SPATA13: variants seen among roughly 807,000 people sequenced by gnomAD.
SPATA13 encodes spermatogenesis associated 13.
A neutral mutation model predicts 104.0 loss-of-function variants in SPATA13; 50 were observed. The ratio of observed to expected loss-of-function variants is 0.48; its 90% CI spans 0.38 to 0.61. The LOEUF is 0.61. SPATA13 is among the 20% of genes least tolerant of loss of function. The probability of loss-of-function intolerance (pLI) is 0.00; values close to 1 mark genes in which losing one functional copy is unlikely to be tolerated. For synonymous variants in SPATA13, 606 were observed against 667.5 expected (o/e 0.91, Z 1.42); for missense variants, 1,524 against 1,690.6 (o/e 0.90, Z 1.73).
intron 3 of SPATA13, among the ~76,000 whole-genome samples, chr13:24,020,168 A>T (rs1429158216): frequency 6.6e-6 from 1 of 152,130 alleles, no homozygotes; most frequent in Non-Finnish European, 1.5e-5. Flanking sequence ...TGATGACTTG[A>T]GGAATTTGGA....
chr13:24,125,386 A>G (rs1293505214), intron 3 of SPATA13, among the ~76,000 whole-genome samples: 2 of 152,106 alleles, frequency 1.3e-5, no homozygotes, highest in Admixed American at 1.3e-4. Context: ...CAAGCCTCAG[A>G]GTGTAGGCAA....
chr13:24,264,372 C>T (rs1874197775), intron 4 of SPATA13, among the ~76,000 whole-genome samples: 1 of 152,146 alleles, frequency 6.6e-6, no homozygotes, highest in Non-Finnish European at 1.5e-5. Context: ...GCACTCTGTA[C>T]GTATTCCTGG....
intron 9 of SPATA13, among the ~76,000 whole-genome samples, chr13:24,294,354 T>C (rs1876606383): frequency 6.6e-6 from 1 of 152,228 alleles, no homozygotes. Context: ...ATTTTTAAAG[T>C]ACTTTATGTA....
intron 4 of SPATA13, among the ~76,000 whole-genome samples, chr13:24,261,246 G>T (rs1874048765): frequency 6.6e-6 from 1 of 152,232 alleles, no homozygotes; most frequent in African/African-American, 2.4e-5. Context: ...GAGAGGTCGA[G>T]GTAATTGTCT....
Position 24,248,634 on chromosome 13 carries a change from C to T in SPATA13, c.1654-843C>T, listed in dbSNP as rs373172526. Among the ~76,000 whole-genome samples, 246 of 152,282 alleles carry T rather than the reference C, an allele frequency of 1.6e-3. 1 individual carries two copies. Among genetic ancestry groups the T allele is most frequent in the African/African-American group, 5.6e-3 (232 of 41,550 alleles). On this transcript the variant is annotated intron_variant, in intron 2 of 12. Coordinates refer to ENST00000382108, the MANE Select transcript of SPATA13 (RefSeq NM_001166271.3). ...GTTCTTTGAATCCTCGTTCAGTGCT[C>T]GCCCCATCAGACTGCTGCCTGGAGG...
intron 3 of SPATA13, among the ~76,000 whole-genome samples, chr13:24,113,518 C>T (rs758874985): frequency 3.3e-5 from 5 of 151,724 alleles, no homozygotes; most frequent in Non-Finnish European, 7.4e-5. Flanking sequence ...GCATGAGAAT[C>T]GCTAAGATAA....
chr13:24,099,924 C>T (rs184491407), intron 3 of SPATA13, among the ~76,000 whole-genome samples: 5 of 152,280 alleles, frequency 3.3e-5, no homozygotes, highest in African/African-American at 7.2e-5. Context: ...AATGCAAAGA[C>T]GCCATTTCTC....
In SPATA13 at chr13:24,128,749, A is replaced by C. The variant is rs1165629835; in HGVS notation, c.-111-94070A>C. On this transcript the variant is annotated intron_variant, in intron 3 of 14. Transcript: ENST00000424834. Reference sequence around the variant, plus strand: ...CCTACCTTATTTAAAAAAAAAAAAAAAACTGCTTACTTCCCTTAAAAAATA... The same window carrying C: ...CCTACCTTATTTAAAAAAAAAAAAACAACTGCTTACTTCCCTTAAAAAATA... Among the ~76,000 whole-genome samples, 6 of 143,882 alleles carry C rather than the reference A, an allele frequency of 4.2e-5. No homozygotes were observed. The East Asian group carries it at 1.2e-3, about 29-fold the overall frequency. 94.4% of individuals were successfully genotyped at this position (143,882 alleles called of 152,430 possible).
At chr13:24,190,276 A>G (rs573162036) in intron 1 of SPATA13, among the ~76,000 whole-genome samples, 491 of 1,816 alleles carry the variant, frequency 0.27, 178 homozygotes, top group African/African-American at 0.33. Flanking sequence ...ATATATTATT[A>G]TATATAATAT....
intron 10 of SPATA13, 110 bp from the exon 11 acceptor site, chr13:24,297,253 T>G: frequency 7.6e-7 from 1 of 1,312,416 alleles, no homozygotes; most frequent in Non-Finnish European, 1.0e-6. Flanking sequence ...TTGCCCAGGC[T>G]GGTCTCAAAC....
intron 3 of SPATA13, among the ~76,000 whole-genome samples, chr13:24,091,979 G>C (rs1349264906): frequency 6.6e-6 from 1 of 152,136 alleles, no homozygotes; most frequent in Non-Finnish European, 1.5e-5. Flanking sequence ...GATGGGAGCA[G>C]GGCAGGTTGA....
intron 3 of SPATA13, among the ~76,000 whole-genome samples, chr13:24,061,767 T>C (rs1347733929): frequency 1.3e-5 from 2 of 151,896 alleles, no homozygotes; most frequent in Non-Finnish European, 2.9e-5. Flanking sequence ...TCATGGATAC[T>C]ACCAGGCTTC....
intron 2 of SPATA13, among the ~76,000 whole-genome samples, chr13:24,236,528 G>A (rs995919609): frequency 2.0e-5 from 3 of 151,596 alleles, no homozygotes; most frequent in African/African-American, 4.9e-5. Context: ...CCCAGGCGGC[G>A]GAGGTTGCAG....
intron 4 of SPATA13, among the ~76,000 whole-genome samples, chr13:24,281,363 G>A (rs927261066): frequency 5.9e-5 from 9 of 152,208 alleles, no homozygotes; most frequent in African/African-American, 2.2e-4. Context: ...GTGGAGGTGG[G>A]TAGAGGGTGA....
At chr13:24,139,813 A>T (rs1247568780) in intron 3 of SPATA13, among the ~76,000 whole-genome samples, 1 of 152,202 alleles carries the variant, frequency 6.6e-6, no homozygotes. Context: ...CACGTCTGTA[A>T]TCCCAGCACT....
chr13:24,212,003 G>C (rs1433068676), intron 1 of SPATA13, among the ~76,000 whole-genome samples: 1 of 152,162 alleles, frequency 6.6e-6, no homozygotes, highest in African/African-American at 2.4e-5. Flanking sequence ...CTCATCAGCT[G>C]TTCGCCATTC....
Position 24,249,849 on chromosome 13 carries a change from T to C in SPATA13, c.2019+7T>C. The C allele has an allele frequency of 6.3e-7, 1 of 1,587,500 alleles. No homozygotes were observed. On this transcript the variant is annotated splice_region_variant and intron_variant, in intron 3 of 12. Transcript: ENST00000382108. ...GGACAATCTTCTGACCCAAGTAAGA[T>C]CTGGTGTGCACTTCCCCAAGCCAGC...
intron 5 of SPATA13, 32 bp downstream of exon 5, chr13:24,284,303 C>T (rs376716749): frequency 7.7e-5 from 122 of 1,589,656 alleles, no homozygotes; most frequent in African/African-American, 6.5e-4. Context: ...GTAGTGGATA[C>T]GGGATACCTG....
chr13:24,272,774 A>G (rs1188409767), intron 4 of SPATA13: 1 of 152,252 alleles, frequency 6.6e-6, no homozygotes, highest in Admixed American at 6.5e-5. Context: ...GTTACTTAAC[A>G]TCTTTGAGCC....
Sources: gnomAD v4.1 joint callset for allele counts (sites outside exome capture counted in the v4.1 genomes callset) on GRCh38, gnomAD v4.1.1 for gene constraint, MANE v1.5 for transcripts, NCBI Gene and HGNC (gene_info 2026-07-23, HGNC 2026-07-21) for gene names.